Variants in GRXCR1 observed in about 807,000 individuals in gnomAD.
GRXCR1 encodes glutaredoxin and cysteine rich domain containing 1.
In GRXCR1, 27 loss-of-function variants were observed where a neutral mutation model predicts 27.3. The observed-to-expected ratio is 0.99, with a 90% CI of 0.73 to 1.37. GRXCR1 has a LOEUF of 1.37. Ranked by LOEUF, GRXCR1 falls within the 40% of genes most tolerant of loss-of-function variation. GRXCR1 has a pLI of 0.00. For missense variants in GRXCR1, 379 were observed against 354.4 expected, an observed-to-expected ratio of 1.07 and a Z score of -0.56; for synonymous variants, 122 against 131.1, an observed-to-expected ratio of 0.93 and a Z score of 0.47.
intron 1 of GRXCR1, among the ~76,000 whole-genome samples, chr4:42,924,919 T>A (rs192602171): frequency 1.0e-3 from 153 of 152,140 alleles, no homozygotes; most frequent in African/African-American, 3.4e-3. Context: ...TTTGACAGGT[T>A]TATTGAAATA....
chr4:42,979,968 T>A (rs1170115612), intron 2 of GRXCR1, among the ~76,000 whole-genome samples: 1 of 152,022 alleles, frequency 6.6e-6, no homozygotes, highest in East Asian at 1.9e-4. Context: ...TTGATAAGTA[T>A]CTCTTATGAC....
At chr4:42,915,176 G>C (rs924586891) in intron 1 of GRXCR1, among the ~76,000 whole-genome samples, 1 of 152,132 alleles carries the variant, frequency 6.6e-6, no homozygotes, top group Admixed American at 6.6e-5. Context: ...AAAAGAGGCG[G>C]GGTAAACCTG....
At chr4:43,013,047 A>C (rs1203919961) in intron 2 of GRXCR1, among the ~76,000 whole-genome samples, 1 of 152,212 alleles carries the variant, frequency 6.6e-6, no homozygotes, top group Non-Finnish European at 1.5e-5. Context: ...GGCTGCAGAG[A>C]AAAGGGAATG....
chr4:43,006,498 T>G (rs1429545886), intron 2 of GRXCR1, among the ~76,000 whole-genome samples: 2 of 152,148 alleles, frequency 1.3e-5, no homozygotes. Context: ...TCTCTTATGG[T>G]CGAGACTGCA....
rs926033313 is a variant in GRXCR1, at chr4:42,897,124, A to T, written c.384+3474A>T. Among the ~76,000 whole-genome samples the T allele has an allele frequency of 2.6e-5, 4 of 152,214 alleles. No homozygotes were observed. The South Asian group carries it at 6.2e-4, about 24-fold the overall frequency. ...ATTGTTTCTTCATGCTAAGCAAATTATAAAATCAACATATAGCTCATACCT... is the reference window on the plus strand; with the variant it reads ...ATTGTTTCTTCATGCTAAGCAAATTTTAAAATCAACATATAGCTCATACCT... On this transcript the variant is annotated intron_variant, in intron 1 of 3. Coordinates refer to ENST00000399770, the MANE Select transcript of GRXCR1 (RefSeq NM_001080476.3).
At chr4:42,946,514 A>G (rs1404361697) in intron 1 of GRXCR1, among the ~76,000 whole-genome samples, 1 of 152,206 alleles carries the variant, frequency 6.6e-6, no homozygotes, top group Non-Finnish European at 1.5e-5. Flanking sequence ...TCAGGCTGCT[A>G]TAACAAAATA....
At chr4:42,950,287 A>C (rs1248090526) in intron 1 of GRXCR1, among the ~76,000 whole-genome samples, 1 of 152,118 alleles carries the variant, frequency 6.6e-6, no homozygotes, top group Non-Finnish European at 1.5e-5. Context: ...CTGGTCTGCA[A>C]CTTGAATATT....
intron 2 of GRXCR1, among the ~76,000 whole-genome samples, chr4:42,975,060 T>G (rs566751006): frequency 6.6e-6 from 1 of 152,236 alleles, no homozygotes; most frequent in African/African-American, 2.4e-5. Context: ...TCAGTGGGAC[T>G]CCTATGGCCA....
At chr4:42,929,710 G>A (rs559163438) in intron 1 of GRXCR1, among the ~76,000 whole-genome samples, 39 of 152,010 alleles carry the variant, frequency 2.6e-4, no homozygotes, top group Non-Finnish European at 4.6e-4. Flanking sequence ...ATTTCATGTA[G>A]TATTCAAATA....
chr4:42,958,807 T>C lies in GRXCR1; in HGVS notation c.385-4085T>C, dbSNP rs79795197. 4.2e-3 allele frequency among the ~76,000 whole-genome samples: 645 copies of C among 151,970 alleles called. 2 individuals carry two copies. Among genetic ancestry groups the C allele is most frequent in the Middle Eastern group, 0.014 (4 of 294 alleles). On this transcript the variant is annotated intron_variant, in intron 1 of 3. Transcript: ENST00000399770. ...GACATACAAATAGCCAAGAGAGATA[T>C]ATAAAAGTGCTCAACATCAATAATA...
chr4:42,925,166 C>G (rs570645547), intron 1 of GRXCR1, among the ~76,000 whole-genome samples: 1 of 152,014 alleles, frequency 6.6e-6, no homozygotes, highest in South Asian at 2.1e-4. Flanking sequence ...GGTACAGCTC[C>G]TGTGATTCTT....
At chr4:42,956,995 A>G (rs1748019819) in intron 1 of GRXCR1, among the ~76,000 whole-genome samples, 1 of 152,066 alleles carries the variant, frequency 6.6e-6, no homozygotes, top group Admixed American at 6.6e-5. Flanking sequence ...ATACCTATCT[A>G]GAGTCACTTA....
At chr4:42,905,486 C>T (rs955353777) in intron 1 of GRXCR1, among the ~76,000 whole-genome samples, 4 of 152,166 alleles carry the variant, frequency 2.6e-5, no homozygotes, top group African/African-American at 9.7e-5. Context: ...TGAAATTGTG[C>T]AGACATTTAT....
At chr4:42,949,292 G>T (rs1207258569) in intron 1 of GRXCR1, among the ~76,000 whole-genome samples, 1 of 147,358 alleles carries the variant, frequency 6.8e-6, no homozygotes, top group Non-Finnish European at 1.5e-5. Flanking sequence ...TTGAACCTGG[G>T]AGGTGGAGAG....
chr4:42,934,679 A>G (rs1160144157), intron 1 of GRXCR1, among the ~76,000 whole-genome samples: 1 of 151,970 alleles, frequency 6.6e-6, no homozygotes, highest in Non-Finnish European at 1.5e-5. Flanking sequence ...ACTTTCACTT[A>G]TCTGTTATCC....
chr4:42,935,204 G>T (rs777099697), intron 1 of GRXCR1, among the ~76,000 whole-genome samples: 11 of 151,890 alleles, frequency 7.2e-5, no homozygotes, highest in Non-Finnish European at 1.6e-4. Context: ...TAGAGAGAAA[G>T]ATACACAGCT....
chr4:42,970,782 C>T (rs897857223), intron 2 of GRXCR1, among the ~76,000 whole-genome samples: 10 of 152,136 alleles, frequency 6.6e-5, no homozygotes, highest in African/African-American at 1.4e-4. Context: ...CATTCAGGTC[C>T]TTTTTACGTA....
chr4:42,956,836 C>T (rs192320568), intron 1 of GRXCR1, among the ~76,000 whole-genome samples: 27 of 152,176 alleles, frequency 1.8e-4, no homozygotes, highest in African/African-American at 6.5e-4. Context: ...TCCTTCTTTA[C>T]TTATCATTTT....
chr4:42,995,844 C>T (rs1040751567), intron 2 of GRXCR1, among the ~76,000 whole-genome samples: 1 of 152,196 alleles, frequency 6.6e-6, no homozygotes, highest in African/African-American at 2.4e-5. Flanking sequence ...AGGAATCCAG[C>T]CAGTTCTGGA....
Sources: gnomAD v4.1 joint callset for allele counts (sites outside exome capture counted in the v4.1 genomes callset) on GRCh38, gnomAD v4.1.1 for gene constraint, MANE v1.5 for transcripts, NCBI Gene and HGNC (gene_info 2026-07-23, HGNC 2026-07-21) for gene names.